DOCK1: variants seen among roughly 807,000 people sequenced by gnomAD.
DOCK1 encodes the protein dedicator of cytokinesis protein 1.
DOCK1 carries 138 observed loss-of-function variants against 262.7 expected under a neutral mutation model. That is an observed-to-expected ratio of 0.53 (90% CI 0.46 to 0.61). The LOEUF is 0.61. Among genes scored for constraint, DOCK1 ranks in the 20% least tolerant of loss-of-function variants. The probability of loss-of-function intolerance (pLI) is 0.00; values close to 1 mark genes in which losing one functional copy is unlikely to be tolerated. For missense variants in DOCK1, 1,908 were observed against 2,370.7 expected (o/e 0.80, Z 4.05); for synonymous variants, 866 against 867.4 (o/e 1.00, Z 0.03).
intron 27 of DOCK1, among the ~76,000 whole-genome samples, chr10:127,159,721 A>G (rs892542637): frequency 3.6e-4 from 55 of 152,162 alleles, no homozygotes; most frequent in African/African-American, 1.3e-3. Flanking sequence ...CATCACGGGT[A>G]GACATTTGAA....
intron 49 of DOCK1, among the ~76,000 whole-genome samples, chr10:127,442,646 G>C (rs1186524006): frequency 6.6e-6 from 1 of 152,150 alleles, no homozygotes; most frequent in Non-Finnish European, 1.5e-5. Flanking sequence ...AAGAATCCCT[G>C]CCCAGTAATG....
chr10:127,070,356 C>T (rs901484246), intron 23 of DOCK1, among the ~76,000 whole-genome samples: 8 of 139,460 alleles, frequency 5.7e-5, no homozygotes, highest in South Asian at 4.8e-4. Flanking sequence ...CGGGTTCAAA[C>T]GATTCTCCTG....
Position 126,984,429 on chromosome 10 carries a change from C to T in DOCK1, c.227+2456C>T, listed in dbSNP as rs192045482. ...GTGGCGAGATCTTGGCTCACTGCAA[C>T]CTCTGCCTCCAGGTTCAAGTGATTC... On this transcript the variant is annotated intron_variant, in intron 4 of 51. Transcript: ENST00000623213. 2.6e-3 allele frequency among the ~76,000 whole-genome samples: 399 copies of T among 152,266 alleles called. 1 individual carries two copies. Among genetic ancestry groups the T allele is most frequent in the African/African-American group, 8.7e-3 (360 of 41,556 alleles).
intron 1 of DOCK1, among the ~76,000 whole-genome samples, chr10:126,954,683 G>C (rs1210893912): frequency 6.6e-6 from 1 of 152,172 alleles, no homozygotes; most frequent in Non-Finnish European, 1.5e-5. Flanking sequence ...AGGATCACAC[G>C]CTTCTGTCCT....
intron 43 of DOCK1, among the ~76,000 whole-genome samples, chr10:127,411,421 T>G (rs915483163): frequency 6.6e-6 from 1 of 152,110 alleles, no homozygotes; most frequent in Non-Finnish European, 1.5e-5. Context: ...CCAGCACTAC[T>G]AGCAATACGG....
intron 29 of DOCK1, among the ~76,000 whole-genome samples, chr10:127,320,303 C>A (rs1247341543): frequency 6.6e-6 from 1 of 152,116 alleles, no homozygotes; most frequent in African/African-American, 2.4e-5. Context: ...GTTTAAAAAT[C>A]TATTTCAAGT....
At chr10:127,011,778 C>T (rs562236726) in intron 11 of DOCK1, among the ~76,000 whole-genome samples, 1 of 151,856 alleles carries the variant, frequency 6.6e-6, no homozygotes, top group South Asian at 2.1e-4. Context: ...CAGTTAGGTT[C>T]CAGGGATTTT....
rs1377941115 is a variant in DOCK1, at chr10:127,384,915, A to G, written c.3927+6A>G. 1.3e-6 allele frequency: 2 copies of G among 1,587,466 alleles called. No individual in the cohort carries two copies. Among genetic ancestry groups the G allele is most frequent in the Non-Finnish European group, 8.5e-7 (1 of 1,170,200 alleles). ...ACTACTTCGACAAAGGCAAGGTAAA[A>G]CACAAAAAGCAATTGTCCTTGTTTT... On this transcript the variant is annotated splice_donor_region_variant and intron_variant, in intron 38 of 51. Coordinates refer to ENST00000623213, the MANE Select transcript of DOCK1 (RefSeq NM_001290223.2).
intron 4 of DOCK1, among the ~76,000 whole-genome samples, chr10:126,984,974 CTTTTTTTTTTTTTT>C (rs553086410): frequency 3.5e-5 from 3 of 85,128 alleles, no homozygotes; most frequent in South Asian, 9.5e-4. Context: ...ATGTCCCATT[CTTTTTTTTTTTTTT>C]TTTTTTTTTT....
intron 27 of DOCK1, among the ~76,000 whole-genome samples, chr10:127,237,929 G>A (rs2059129151): frequency 6.6e-6 from 1 of 152,114 alleles, no homozygotes; most frequent in African/African-American, 2.4e-5. Context: ...ATCAGTATTA[G>A]TGTTAAACAC....
intron 24 of DOCK1, among the ~76,000 whole-genome samples, chr10:127,109,844 A>C (rs192524978): frequency 5.9e-4 from 89 of 151,756 alleles, no homozygotes; most frequent in African/African-American, 2.1e-3. Flanking sequence ...TGTTGTGTGG[A>C]TATATGTTTT....
chr10:127,366,286 A>C (rs2064904874), intron 33 of DOCK1, among the ~76,000 whole-genome samples: 1 of 152,062 alleles, frequency 6.6e-6, no homozygotes, highest in Non-Finnish European at 1.5e-5. Flanking sequence ...CTGCTTCTGT[A>C]ATTGGGAAAA....
intron 22 of DOCK1, among the ~76,000 whole-genome samples, chr10:127,060,695 C>G (rs2045474126): frequency 6.6e-6 from 1 of 151,776 alleles, no homozygotes; most frequent in African/African-American, 2.4e-5. Context: ...CAATTAGTAA[C>G]ATATATTAGC....
chr10:126,969,638 C>T (rs983480245), intron 1 of DOCK1, among the ~76,000 whole-genome samples: 3 of 152,094 alleles, frequency 2.0e-5, no homozygotes, highest in Non-Finnish European at 4.4e-5. Flanking sequence ...GTCTGGCTTT[C>T]GTGATGAGGT....
intron 29 of DOCK1, among the ~76,000 whole-genome samples, chr10:127,326,096 C>G (rs1197588115): frequency 6.6e-6 from 1 of 152,206 alleles, no homozygotes; most frequent in African/African-American, 2.4e-5. Flanking sequence ...CTAAATCTTT[C>G]TGCTGATAGA....
intron 38 of DOCK1, among the ~76,000 whole-genome samples, chr10:127,401,271 C>T (rs545297034): frequency 3.9e-5 from 6 of 152,262 alleles, no homozygotes; most frequent in East Asian, 3.9e-4. Flanking sequence ...TGTTACTGGC[C>T]GCAAATCTGT....
At chr10:127,441,698 C>A (rs1370762042) in intron 49 of DOCK1, among the ~76,000 whole-genome samples, 2 of 150,064 alleles carry the variant, frequency 1.3e-5, no homozygotes, top group South Asian at 2.1e-4. Flanking sequence ...GCCACCCCCC[C>A]ACCACCCCCA....
chr10:127,012,205 T>C lies in DOCK1; in HGVS notation c.1059-27T>C. On this transcript the variant is annotated intron_variant, in intron 11 of 51. Transcript: ENST00000623213. This position sits in a 1 kb window ranked among gnomAD's most constrained non-coding sequence, Gnocchi z 4.0. ...GGTCTCTGTGCCCCTTTGTCTCCTGTGGTCTTGGTCGTCCCGTGCCCTCCA... is the reference window on the plus strand; with the variant it reads ...GGTCTCTGTGCCCCTTTGTCTCCTGCGGTCTTGGTCGTCCCGTGCCCTCCA... The C allele has an allele frequency of 2.4e-6, 3 of 1,261,920 alleles. No homozygotes were observed. In the Middle Eastern group the frequency reaches 6.0e-4, roughly 251 times the overall value. 78.2% of individuals were successfully genotyped at this position (1,261,920 alleles called of 1,614,324 possible).
intron 5 of DOCK1, among the ~76,000 whole-genome samples, chr10:126,990,220 G>A (rs144215460): frequency 6.6e-6 from 1 of 152,334 alleles, no homozygotes; most frequent in Admixed American, 6.5e-5. Context: ...GTTGGATGAA[G>A]TCTTGGGGAT....
Sources: allele counts gnomAD v4.1 joint callset (sites outside exome capture counted in the v4.1 genomes callset), GRCh38; gene constraint gnomAD v4.1.1; non-coding constraint Gnocchi (gnomAD v3.1); transcripts MANE v1.5; gene names NCBI Gene and HGNC (gene_info 2026-07-23, HGNC 2026-07-21).